KIF6: variants seen among roughly 807,000 people sequenced by gnomAD.
KIF6 encodes kinesin family member 6.
A neutral mutation model predicts 112.7 loss-of-function variants in KIF6; 106 were observed. The observed-to-expected ratio is 0.94, with a 90% CI of 0.80 to 1.11. KIF6 has a LOEUF of 1.11. Among genes scored for constraint, KIF6 ranks in the 50% least tolerant of loss-of-function variants. KIF6 has a pLI of 0.00. For synonymous variants in KIF6, 339 were observed against 339.9 expected (o/e 1.00, Z 0.03); for missense variants, 929 against 964.0 (o/e 0.96, Z 0.48).
At chr6:39,539,915 C>G (rs1266961061) in intron 13 of KIF6, 88 bp downstream of exon 13, 1 of 900,464 alleles carries the variant, frequency 1.1e-6, no homozygotes, top group East Asian at 2.5e-5. Flanking sequence ...AGAAATTGAG[C>G]CTTCATCCTG....
intron 5 of KIF6, among the ~76,000 whole-genome samples, chr6:39,631,620 A>G (rs1204252323): frequency 1.3e-5 from 2 of 151,912 alleles, no homozygotes; most frequent in East Asian, 3.9e-4. Context: ...ATGATATAGT[A>G]TTGATTTTAT....
intron 22 of KIF6, among the ~76,000 whole-genome samples, chr6:39,338,237 C>T (rs1443643915): frequency 6.6e-6 from 1 of 152,232 alleles, no homozygotes; most frequent in East Asian, 1.9e-4. Context: ...GAGCAGGCAG[C>T]TGCAGCCCTC....
chr6:39,487,990 C>CATCTATCTATCTATCTATCT (rs1464871982), intron 13 of KIF6, among the ~76,000 whole-genome samples: 12,842 of 150,890 alleles, frequency 0.085, 657 homozygotes, highest in African/African-American at 0.14. Context: ...CATTTATAGG[C>CATCTATCTATCTATCTATCT]ATCTATCTAT....
chr6:39,366,104 C>T (rs190848761), intron 16 of KIF6, among the ~76,000 whole-genome samples: 12 of 152,264 alleles, frequency 7.9e-5, no homozygotes, highest in Admixed American at 2.0e-4. Flanking sequence ...GTGGGGTGCT[C>T]GGGAGCCTTA....
chr6:39,353,036 T>G lies in KIF6; in HGVS notation c.2180+4241A>C, dbSNP rs1040745794. On this transcript the variant is annotated intron_variant, in intron 19 of 22. Coordinates refer to ENST00000287152, the MANE Select transcript of KIF6 (RefSeq NM_145027.6). The stretch of plus-strand genomic sequence containing the variant: ...TATGAACAATCATATTCTGTTTTTT[T>G]TTGTGGACATAAGTTTTCACCTCAA... 2.6e-5 allele frequency among the ~76,000 whole-genome samples: 4 copies of G among 152,320 alleles called. No homozygotes were observed. In the East Asian group the frequency reaches 7.7e-4, roughly 29 times the overall value.
intron 13 of KIF6, among the ~76,000 whole-genome samples, chr6:39,535,537 A>T (rs1016261720): frequency 6.6e-6 from 1 of 152,264 alleles, no homozygotes; most frequent in African/African-American, 2.4e-5. Context: ...TATGCAACCA[A>T]TACAGGAGCA....
At chr6:39,558,838 T>G (rs1049554846) in intron 10 of KIF6, among the ~76,000 whole-genome samples, 2 of 152,188 alleles carry the variant, frequency 1.3e-5, no homozygotes, top group African/African-American at 2.4e-5. Flanking sequence ...ATTTGGCCTA[T>G]TAGAACCCAA....
intron 10 of KIF6, among the ~76,000 whole-genome samples, chr6:39,553,448 A>T (rs1009295066): frequency 3.9e-5 from 6 of 152,330 alleles, no homozygotes; most frequent in Non-Finnish European, 7.4e-5. Context: ...CAAAATTAAA[A>T]TCCAGACTGG....
intron 13 of KIF6, among the ~76,000 whole-genome samples, chr6:39,535,798 A>G (rs1463117488): frequency 6.6e-6 from 1 of 152,134 alleles, no homozygotes; most frequent in Non-Finnish European, 1.5e-5. Context: ...TCCAAAATTG[A>G]CCACATAGTT....
intron 13 of KIF6, among the ~76,000 whole-genome samples, chr6:39,533,627 G>A (rs1441343434): frequency 1.3e-5 from 2 of 152,182 alleles, no homozygotes; most frequent in Non-Finnish European, 2.9e-5. Context: ...AAACAAAAAG[G>A]GCACAGACAA....
intron 15 of KIF6, among the ~76,000 whole-genome samples, chr6:39,405,609 T>G (rs1463171316): frequency 6.6e-6 from 1 of 152,220 alleles, no homozygotes; most frequent in African/African-American, 2.4e-5. Context: ...GTATTCAATA[T>G]GCTAGTATTT....
At chr6:39,437,922 T>C (rs532080294) in intron 13 of KIF6, among the ~76,000 whole-genome samples, 114 of 152,190 alleles carry the variant, frequency 7.5e-4, no homozygotes, top group Admixed American at 2.3e-3. Context: ...TAATACTTGA[T>C]AATAAATGAC....
At chr6:39,374,937 T>C (rs139200468) in intron 16 of KIF6, among the ~76,000 whole-genome samples, 88 of 152,328 alleles carry the variant, frequency 5.8e-4, no homozygotes, top group African/African-American at 2.0e-3. Context: ...CATTGTAGCA[T>C]TGTTCACAAT....
intron 3 of KIF6, among the ~76,000 whole-genome samples, chr6:39,654,609 G>A (rs1785661998): frequency 6.6e-6 from 1 of 152,110 alleles, no homozygotes; most frequent in Non-Finnish European, 1.5e-5. Context: ...ACAAATGCTT[G>A]TTAAAAATAT....
chr6:39,683,435 A>G (rs1787652373), intron 3 of KIF6, among the ~76,000 whole-genome samples: 1 of 152,162 alleles, frequency 6.6e-6, no homozygotes, highest in Non-Finnish European at 1.5e-5. Flanking sequence ...TTGAGGGAGG[A>G]CAGATTTGGA....
intron 13 of KIF6, among the ~76,000 whole-genome samples, chr6:39,537,955 A>T (rs773505682): frequency 6.1e-4 from 93 of 152,226 alleles, no homozygotes; most frequent in Non-Finnish European, 1.9e-4. Flanking sequence ...TGAGAAAAAT[A>T]AGCAATGGGG....
chr6:39,583,674 C>CTTTTTTTTTTTTTTTTTT (rs564229262), intron 9 of KIF6, among the ~76,000 whole-genome samples: 3 of 71,708 alleles, frequency 4.2e-5, no homozygotes, highest in Admixed American at 1.5e-4. Context: ...GATTTCACTT[C>CTTTTTTTTTTTTTTTTTT]TTTTTTTTTT....
chr6:39,553,204 C>T (rs1191917418), intron 10 of KIF6, among the ~76,000 whole-genome samples: 2 of 152,174 alleles, frequency 1.3e-5, no homozygotes, highest in Non-Finnish European at 2.9e-5. Context: ...AGTTCAATGT[C>T]AGCAACTCTG....
At chr6:39,402,736 C>A (rs1768798255) in intron 15 of KIF6, among the ~76,000 whole-genome samples, 1 of 152,194 alleles carries the variant, frequency 6.6e-6, no homozygotes, top group African/African-American at 2.4e-5. Context: ...CTGAGGGCCT[C>A]CTGTGTCCTA....
Sources: allele counts gnomAD v4.1 joint callset (sites outside exome capture counted in the v4.1 genomes callset), GRCh38; gene constraint gnomAD v4.1.1; transcripts MANE v1.5; gene names NCBI Gene and HGNC (gene_info 2026-07-23, HGNC 2026-07-21).